The following CDH13 variants were observed in gnomAD, a reference collection of about 807,000 sequenced individuals.
CDH13 encodes cadherin 13.
A neutral mutation model predicts 63.8 loss-of-function variants in CDH13; 24 were observed. The observed-to-expected ratio is 0.38, with a 90% confidence interval of 0.27 to 0.53. The LOEUF (loss-of-function observed/expected upper bound fraction) is 0.53. Among genes scored for constraint, CDH13 ranks in the 20% least tolerant of loss-of-function variants. The pLI, the probability that CDH13 is intolerant of heterozygous loss-of-function variation, is 0.85. For missense variants in CDH13, 1,049 were observed against 903.1 expected (o/e 1.16, Z -2.07); for synonymous variants, 503 against 355.3 (o/e 1.42, Z -4.67).
At chr16:83,035,381 G>A (rs1420808635) in intron 3 of CDH13, among the ~76,000 whole-genome samples, 2 of 152,158 alleles carry the variant, frequency 1.3e-5, no homozygotes, top group Non-Finnish European at 2.9e-5. Context: ...GGGGAGCTGG[G>A]CTGGTCCTCA....
chr16:82,992,536 C>G (rs571707080), intron 2 of CDH13, among the ~76,000 whole-genome samples: 2 of 152,288 alleles, frequency 1.3e-5, no homozygotes, highest in East Asian at 3.9e-4. Flanking sequence ...CTAACATTCT[C>G]AGAGACTAGA....
intron 3 of CDH13, among the ~76,000 whole-genome samples, chr16:83,099,091 CAT>C (rs1184671818): frequency 6.6e-6 from 1 of 152,034 alleles, no homozygotes; most frequent in Non-Finnish European, 1.5e-5. Context: ...CCCACACACA[CAT>C]ACATAAAGAT....
At chr16:83,280,909 G>A (rs573814453) in intron 5 of CDH13, among the ~76,000 whole-genome samples, 1 of 152,168 alleles carries the variant, frequency 6.6e-6, no homozygotes, top group Non-Finnish European at 1.5e-5. Flanking sequence ...CTGAGCAGTG[G>A]GCTCAAAATA....
At chr16:82,914,954 C>G (rs148868124) in intron 2 of CDH13, among the ~76,000 whole-genome samples, 383 of 152,320 alleles carry the variant, frequency 2.5e-3, no homozygotes, top group Non-Finnish European at 4.1e-3. Context: ...CAATGTCTTT[C>G]CCTCCCTCCT....
rs150744751 is a variant in CDH13, at chr16:83,402,819, T to C, written c.781+57813T>C. Reference sequence around the variant, plus strand: ...GGATTTAATTGTATTACCTAATTTATGTAATGAGACTATATTTTCTTTTCT... The same window carrying C: ...GGATTTAATTGTATTACCTAATTTACGTAATGAGACTATATTTTCTTTTCT... On this transcript the variant is annotated intron_variant, in intron 6 of 13. Transcript: ENST00000567109. Among the ~76,000 whole-genome samples the C allele has an allele frequency of 8.7e-4, 133 of 152,350 alleles. No homozygotes were observed. In the East Asian group the frequency reaches 0.014, roughly 16 times the overall value.
At chr16:82,878,862 G>A (rs2040595999) in intron 2 of CDH13, among the ~76,000 whole-genome samples, 1 of 152,110 alleles carries the variant, frequency 6.6e-6, no homozygotes, top group Non-Finnish European at 1.5e-5. Flanking sequence ...AGATAGATCA[G>A]GACTGATTTT....
chr16:83,643,839 GC>G (rs1185146081), intron 8 of CDH13, among the ~76,000 whole-genome samples: 4 of 152,090 alleles, frequency 2.6e-5, no homozygotes, highest in East Asian at 3.9e-4. Flanking sequence ...ATCCTGGAGA[GC>G]CCCCCAAGTT....
At chr16:83,118,796 A>G (rs4783326) in intron 3 of CDH13, among the ~76,000 whole-genome samples, 50,390 of 151,878 alleles carry the variant, frequency 0.33, 8,854 homozygotes, top group East Asian at 0.48. Context: ...GGGGAGCAGT[A>G]TTGGGCCTCT....
At chr16:83,451,491 C>A (rs1371554747) in intron 6 of CDH13, among the ~76,000 whole-genome samples, 1 of 152,144 alleles carries the variant, frequency 6.6e-6, no homozygotes, top group Non-Finnish European at 1.5e-5. Context: ...GGGACACAGC[C>A]AAACCATACC....
intron 11 of CDH13, among the ~76,000 whole-genome samples, chr16:83,771,618 C>A (rs530674101): frequency 1.3e-5 from 2 of 152,318 alleles, no homozygotes; most frequent in African/African-American, 2.4e-5. Context: ...AAAATGATAA[C>A]CCTTTCCCCC....
chr16:83,503,958 G>A (rs1219236273), intron 7 of CDH13, among the ~76,000 whole-genome samples: 1 of 151,562 alleles, frequency 6.6e-6, no homozygotes, highest in Non-Finnish European at 1.5e-5. Context: ...TAGTTGGGGG[G>A]TGGGGGGCAA....
At chr16:83,602,104 C>CAAAAAAA (rs1567797536) in intron 7 of CDH13, among the ~76,000 whole-genome samples, 1 of 3,714 alleles carries the variant, frequency 2.7e-4, no homozygotes, top group Non-Finnish European at 4.2e-4. Flanking sequence ...AAAAGAACAA[C>CAAAAAAA]AACAAAAAAA....
At chr16:83,448,164 A>G (rs994232360) in intron 6 of CDH13, among the ~76,000 whole-genome samples, 1 of 152,148 alleles carries the variant, frequency 6.6e-6, no homozygotes, top group African/African-American at 2.4e-5. Flanking sequence ...TGAGTGAGCT[A>G]AAGATTTTTT....
intron 6 of CDH13, among the ~76,000 whole-genome samples, chr16:83,419,364 A>G (rs1442132173): frequency 6.6e-6 from 1 of 152,214 alleles, no homozygotes. Context: ...CAGAACTACT[A>G]TATGGGAGGC....
At position 83,796,445 on chromosome 16, in the gene CDH13, G is replaced by A. The variant is rs1177065715; in HGVS notation, c.*1415G>A. The A allele has an allele frequency of 2.0e-5, 3 of 152,228 alleles. No homozygotes were observed. Among genetic ancestry groups the A allele is most frequent in the African/African-American group, 4.8e-5 (2 of 41,458 alleles). The allele number at this position is 152,228 out of a possible 1,614,324, so 9.4% of individuals were successfully genotyped here. A position where few individuals can be genotyped will look rare whatever the true frequency, so the allele number is the denominator to read the frequency against. Reference sequence around the variant, plus strand: ...TTGTGCTTTCAGTTAGCCTTCTGTAGGAAGTAGAAGTCATATGTTGTCTTT... The same window carrying A: ...TTGTGCTTTCAGTTAGCCTTCTGTAAGAAGTAGAAGTCATATGTTGTCTTT... On this transcript the variant is annotated 3_prime_UTR_variant, in exon 14 of 14. Coordinates refer to ENST00000567109, the MANE Select transcript of CDH13 (RefSeq NM_001257.5).
intron 1 of CDH13, among the ~76,000 whole-genome samples, chr16:82,670,143 T>G (rs1156316135): frequency 6.6e-6 from 1 of 152,200 alleles, no homozygotes; most frequent in Non-Finnish European, 1.5e-5. Flanking sequence ...CCCACTCCAG[T>G]GCCTGAGAAT....
intron 3 of CDH13, among the ~76,000 whole-genome samples, chr16:83,088,940 C>G (rs151031482): frequency 7.0e-4 from 107 of 152,244 alleles, no homozygotes; most frequent in Non-Finnish European, 1.2e-3. Flanking sequence ...CATGGCCATT[C>G]ATTAATATAT....
intron 10 of CDH13, among the ~76,000 whole-genome samples, chr16:83,729,155 C>G (rs1484225227): frequency 1.3e-5 from 2 of 152,130 alleles, no homozygotes; most frequent in African/African-American, 4.8e-5. Context: ...AGAGTTCTAT[C>G]AACATCCGAA....
intron 1 of CDH13, among the ~76,000 whole-genome samples, chr16:82,747,430 G>A (rs1301399195): frequency 6.7e-6 from 1 of 149,934 alleles, no homozygotes; most frequent in Non-Finnish European, 1.5e-5. Context: ...TGAAAGGTCT[G>A]GATTATTTCA....
Sources: gnomAD v4.1 joint callset for allele counts (sites outside exome capture counted in the v4.1 genomes callset) on GRCh38, gnomAD v4.1.1 for gene constraint, MANE v1.5 for transcripts, NCBI Gene and HGNC (gene_info 2026-07-23, HGNC 2026-07-21) for gene names.